CNTNAP2: variants seen among roughly 807,000 people sequenced by gnomAD.
CNTNAP2 encodes contactin-associated protein-like 2.
A neutral mutation model predicts 155.2 loss-of-function variants in CNTNAP2; 98 were observed. The observed-to-expected ratio is 0.63, with a 90% CI of 0.54 to 0.75. The LOEUF (loss-of-function observed/expected upper bound fraction) is 0.75. Ranked by LOEUF, CNTNAP2 falls within the 30% of genes least tolerant of loss-of-function variation. CNTNAP2 has a pLI of 0.00. For missense variants in CNTNAP2, 1,727 were observed against 1,688.1 expected (o/e 1.02, Z -0.40); for synonymous variants, 651 against 631.2 (o/e 1.03, Z -0.47).
intron 8 of CNTNAP2, among the ~76,000 whole-genome samples, chr7:147,274,987 T>A (rs2116713147): frequency 6.6e-6 from 1 of 152,084 alleles, no homozygotes; most frequent in Non-Finnish European, 1.5e-5. Context: ...TGTGTGTGGC[T>A]TTATTTCTGA....
intron 3 of CNTNAP2, among the ~76,000 whole-genome samples, chr7:146,880,089 G>C (rs1795512497): frequency 1.3e-5 from 2 of 151,982 alleles, no homozygotes; most frequent in African/African-American, 4.8e-5. Context: ...ACAACACATG[G>C]GAATTATGGC....
chr7:146,656,928 A>G (rs1053081150), intron 1 of CNTNAP2, among the ~76,000 whole-genome samples: 5 of 152,122 alleles, frequency 3.3e-5, no homozygotes, highest in Non-Finnish European at 7.3e-5. Context: ...AGAAGAAACA[A>G]TTTTTTGTAC....
intron 3 of CNTNAP2, among the ~76,000 whole-genome samples, chr7:146,878,804 G>A (rs991165086): frequency 3.9e-5 from 6 of 151,912 alleles, no homozygotes; most frequent in Admixed American, 6.6e-5. Flanking sequence ...ATCTTCTTAC[G>A]CTTTCTTCCA....
rs528901263 is a variant in CNTNAP2, at chr7:147,910,611, T to C, written c.2255+6890T>C. Among the ~76,000 whole-genome samples the C allele has an allele frequency of 2.2e-4, 33 of 152,224 alleles. No individual in the cohort carries two copies. In the South Asian group the frequency reaches 3.7e-3, roughly 17 times the overall value. On this transcript the variant is annotated intron_variant, in intron 14 of 23. Transcript: ENST00000361727. ...AGCTTATTGGACTCACAGTTCCACATGGATGGGGAGGCCTCACAATCATGG... is the reference window on the plus strand; with the variant it reads ...AGCTTATTGGACTCACAGTTCCACACGGATGGGGAGGCCTCACAATCATGG...
chr7:146,470,102 G>A (rs1481353893), intron 1 of CNTNAP2, among the ~76,000 whole-genome samples: 1 of 150,790 alleles, frequency 6.6e-6, no homozygotes, highest in Non-Finnish European at 1.5e-5. Flanking sequence ...GCCTCCCAAA[G>A]TGCTGGGATT....
intron 2 of CNTNAP2, among the ~76,000 whole-genome samples, chr7:146,813,610 A>G (rs1330741684): frequency 6.6e-6 from 1 of 152,154 alleles, no homozygotes; most frequent in Non-Finnish European, 1.5e-5. Flanking sequence ...CTTGTCTCAG[A>G]TGAGATGTTA....
At chr7:146,276,054 G>A (rs1800158363) in intron 1 of CNTNAP2, among the ~76,000 whole-genome samples, 2 of 152,170 alleles carry the variant, frequency 1.3e-5, no homozygotes, top group Admixed American at 1.3e-4. Context: ...TGGCACCAGA[G>A]GAGATGAATG....
At chr7:146,224,431 TA>T (rs60496758) in intron 1 of CNTNAP2, among the ~76,000 whole-genome samples, 87 of 143,230 alleles carry the variant, frequency 6.1e-4, no homozygotes, top group African/African-American at 1.5e-3. Context: ...CACAGTGGTT[TA>T]AAAAAAAAAA....
intron 13 of CNTNAP2, among the ~76,000 whole-genome samples, chr7:147,724,157 A>C (rs1169866413): frequency 6.6e-6 from 1 of 151,994 alleles, no homozygotes; most frequent in African/African-American, 2.4e-5. Flanking sequence ...ATTACGTTCA[A>C]AAAATTTCCC....
At chr7:148,047,904 C>T (rs1182222435) in intron 15 of CNTNAP2, among the ~76,000 whole-genome samples, 2 of 152,130 alleles carry the variant, frequency 1.3e-5, no homozygotes, top group African/African-American at 2.4e-5. Flanking sequence ...TAGTGAGCAC[C>T]TGCTATGAGC....
intron 9 of CNTNAP2, among the ~76,000 whole-genome samples, chr7:147,305,011 CT>C (rs1795001361): frequency 1.3e-5 from 2 of 152,100 alleles, no homozygotes; most frequent in South Asian, 4.1e-4. Flanking sequence ...TCTTAAGTCT[CT>C]TCTTATGAGT....
chr7:146,841,887 C>CT (rs71929031), intron 3 of CNTNAP2, among the ~76,000 whole-genome samples: 45,904 of 145,820 alleles, frequency 0.31, 7,052 homozygotes, highest in Middle Eastern at 0.35. Flanking sequence ...GTCTTGGAGT[C>CT]TTTTTTTTTT....
rs563406549 is a variant in CNTNAP2, at chr7:148,339,141, C to T, written c.3476-44508C>T. Among the ~76,000 whole-genome samples, 133 of 152,050 alleles carry T rather than the reference C, an allele frequency of 8.7e-4. 1 individual carries two copies. The highest frequency in any genetic ancestry group is 1.7e-3 in the Non-Finnish European group (117 of 67,992). ...CAACAAGCGTAGTGTAAGTAAGACACGAAGTGTAAAAAAACTTTCTTCCCC... is the reference window on the plus strand; with the variant it reads ...CAACAAGCGTAGTGTAAGTAAGACATGAAGTGTAAAAAAACTTTCTTCCCC... On this transcript the variant is annotated intron_variant, in intron 21 of 23. Transcript: ENST00000361727.
chr7:147,925,167 G>GAAGGAAGGAAGC (rs1800366835), intron 14 of CNTNAP2, among the ~76,000 whole-genome samples: 1 of 143,818 alleles, frequency 7.0e-6, no homozygotes, highest in African/African-American at 2.7e-5. Context: ...AGGAAGGAAG[G>GAAGGAAGGAAGC]AAGGAAGGAA....
At chr7:146,717,485 G>C (rs1191160726) in intron 1 of CNTNAP2, among the ~76,000 whole-genome samples, 1 of 152,030 alleles carries the variant, frequency 6.6e-6, no homozygotes, top group Non-Finnish European at 1.5e-5. Flanking sequence ...CTGCACTCCA[G>C]CTTGGGCAAC....
intron 14 of CNTNAP2, among the ~76,000 whole-genome samples, chr7:147,960,274 G>A (rs541093055): frequency 2.2e-4 from 34 of 152,218 alleles, no homozygotes; most frequent in East Asian, 7.8e-4. Context: ...GTGCAAAGCC[G>A]GAGTCAGCAT....
At chr7:146,352,996 T>C (rs376534736) in intron 1 of CNTNAP2, among the ~76,000 whole-genome samples, 6 of 151,946 alleles carry the variant, frequency 3.9e-5, no homozygotes, top group African/African-American at 9.7e-5. Flanking sequence ...CCTCGTGATC[T>C]GCCCACCTCG....
At chr7:146,365,059 T>C (rs1172718042) in intron 1 of CNTNAP2, among the ~76,000 whole-genome samples, 2 of 152,234 alleles carry the variant, frequency 1.3e-5, no homozygotes, top group Non-Finnish European at 2.9e-5. Context: ...TTCAGTCTTA[T>C]TATTTATTGT....
chr7:146,732,892 T>C (rs1801550882), intron 1 of CNTNAP2, among the ~76,000 whole-genome samples: 2 of 152,170 alleles, frequency 1.3e-5, no homozygotes, highest in African/African-American at 4.8e-5. Context: ...TATTTTTTAT[T>C]ATTGTGATTT....
Sources: gnomAD v4.1 joint callset for allele counts (sites outside exome capture counted in the v4.1 genomes callset) on GRCh38, gnomAD v4.1.1 for gene constraint, MANE v1.5 for transcripts, NCBI Gene and HGNC (gene_info 2026-07-23, HGNC 2026-07-21) for gene names.